The following LRRC37B variants were observed in gnomAD, a reference collection of about 807,000 sequenced individuals.
LRRC37B encodes leucine rich repeat containing 37B, also known as leucine-rich repeat-containing protein 37B.
Under a neutral mutation model 98.3 loss-of-function variants are expected in LRRC37B, and 28 were observed. The observed-to-expected ratio is 0.28, with a 90% confidence interval of 0.21 to 0.39. The LOEUF is 0.39. Among genes scored for constraint, LRRC37B ranks in the 10% least tolerant of loss-of-function variants. LRRC37B has a pLI of 1.00. For synonymous variants in LRRC37B, 364 were observed against 442.7 expected, an observed-to-expected ratio of 0.82 and a Z score of 2.23; for missense variants, 938 against 1,182.7, an observed-to-expected ratio of 0.79 and a Z score of 3.03.
chr17:32,015,883 T>G (rs992654215), intron 1 of LRRC37B, among the ~76,000 whole-genome samples: 1 of 152,190 alleles, frequency 6.6e-6, no homozygotes, highest in Non-Finnish European at 1.5e-5. Flanking sequence ...GTACAAAGTG[T>G]CAGAAGCACA....
At chr17:32,039,601 T>TTATA (rs200331701) in intron 7 of LRRC37B, among the ~76,000 whole-genome samples, 1 of 133,212 alleles carries the variant, frequency 7.5e-6, no homozygotes, top group African/African-American at 2.8e-5. Flanking sequence ...TTTATATATA[T>TTATA]TATATATATA....
At chr17:32,019,932 A>C (rs1214141222), upstream of LRRC37B, among the ~76,000 whole-genome samples, 1 of 152,050 alleles carries the variant, frequency 6.6e-6, no homozygotes, top group Non-Finnish European at 1.5e-5. Flanking sequence ...GCTCACTGCA[A>C]CCTCTGCCTC....
chr17:32,050,207 A>T, intron 11 of LRRC37B, 100 bp downstream of exon 14: 1 of 726,748 alleles, frequency 1.4e-6, no homozygotes, highest in Non-Finnish European at 2.5e-6. Flanking sequence ...CCCACTTGAC[A>T]TTCTTCTTCT....
chr17:32,033,851 T>C (rs1164046117), intron 5 of LRRC37B: 1 of 152,242 alleles, frequency 6.6e-6, no homozygotes, highest in East Asian at 1.9e-4. Context: ...TTATTCATTT[T>C]ATTGACAGAT....
chr17:32,045,188 T>A (rs1158554966), intron 7 of LRRC37B, among the ~76,000 whole-genome samples: 1 of 152,196 alleles, frequency 6.6e-6, no homozygotes, highest in East Asian at 1.9e-4. Context: ...ATTGTTGTTA[T>A]TCTTTTGAAT....
At chr17:32,011,569 C>G (rs1910527142) in intron 1 of LRRC37B, among the ~76,000 whole-genome samples, 1 of 151,984 alleles carries the variant, frequency 6.6e-6, no homozygotes, top group African/African-American at 2.4e-5. Context: ...ACGATCTTGG[C>G]TCACTGCAGC....
At chr17:32,041,026 A>C in intron 7 of LRRC37B, 1 of 781,448 alleles carries the variant, frequency 1.3e-6, no homozygotes, top group Non-Finnish European at 2.4e-6. Flanking sequence ...ACCAGCATGC[A>C]CAACCTCCTG....
intron 2 of LRRC37B, among the ~76,000 whole-genome samples, chr17:32,026,646 C>T (rs1910961793): frequency 6.6e-6 from 1 of 152,116 alleles, no homozygotes; most frequent in Admixed American, 6.6e-5. Context: ...ACGGGCTGGT[C>T]TCGAACTCAT....
In LRRC37B at chr17:32,043,034, C is replaced by T. The variant is rs571707427; in HGVS notation, c.2205-2666C>T. Among the ~76,000 whole-genome samples the T allele has an allele frequency of 5.9e-5, 9 of 152,068 alleles. No homozygotes were observed. The East Asian group carries it at 1.5e-3, about 26-fold the overall frequency. Reference sequence around the variant, plus strand: ...AGAATGCATTGGTTCTTAGGGGCTGCACACTGAAGTCTTTAATGGTGAAGG... The same window carrying T: ...AGAATGCATTGGTTCTTAGGGGCTGTACACTGAAGTCTTTAATGGTGAAGG... On this transcript the variant is annotated intron_variant, in intron 7 of 11. Transcript: ENST00000327564.
intron 5 of LRRC37B, among the ~76,000 whole-genome samples, chr17:32,031,788 G>T (rs1911117788): frequency 6.6e-6 from 1 of 151,602 alleles, no homozygotes; most frequent in African/African-American, 2.4e-5. Context: ...CGGATCACCT[G>T]AGGTCAGGAG....
exon 1 of LRRC37B, chr17:32,021,691 C>G: frequency 6.2e-7 from 1 of 1,614,216 alleles, no homozygotes; most frequent in Non-Finnish European, 8.5e-7. Context: ...GTTTCAAGAC[C>G]AACCAAATTT....
At chr17:32,049,280 C>T (rs764206245) in exon 10 of LRRC37B, 15 of 1,613,470 alleles carry the variant, frequency 9.3e-6, no homozygotes, top group East Asian at 6.7e-5. Flanking sequence ...AGCTTCTCAG[C>T]GAGCAGCAGG....
Position 32,045,818 on chromosome 17 carries a change from C to T in LRRC37B, c.2323C>T (p.Pro775Ser), listed in dbSNP as rs752408763. 1.4e-5 allele frequency: 22 copies of T among 1,598,648 alleles called. No individual in the cohort carries two copies. In the East Asian group the frequency reaches 3.1e-4, roughly 23 times the overall value. The change falls in exon 8 of 12, where the codon CCT becomes TCT. Residue 775 changes from proline (P) to serine (S), a missense_variant and splice_region_variant. By Grantham distance (74) the Pro-to-Ser change is moderately conservative (BLOSUM62 -1). Coordinates refer to ENST00000327564, the Ensembl canonical transcript of LRRC37B. ...ATGTCTGACTAACAGCATACATTGT[C>T]GTGAGTCCAAATTGCCTGGTGATAA...
exon 6 of LRRC37B, chr17:32,034,966 C>T (rs1261751263): frequency 8.1e-6 from 13 of 1,607,684 alleles, no homozygotes; most frequent in Admixed American, 1.7e-5. Context: ...TTTGAACTGC[C>T]GGCATTAAAA....
chr17:32,017,559 A>G (rs374909377), upstream of LRRC37B, among the ~76,000 whole-genome samples: 2 of 152,156 alleles, frequency 1.3e-5, no homozygotes, highest in Admixed American at 6.6e-5. Context: ...AATCTCAGCA[A>G]TTGGGGAGGC....
At chr17:32,033,457 T>C (rs1449909079) in intron 5 of LRRC37B, among the ~76,000 whole-genome samples, 3 of 152,190 alleles carry the variant, frequency 2.0e-5, no homozygotes, top group African/African-American at 4.8e-5. Context: ...TAAACCTTTT[T>C]TCTTCATACA....
chr17:32,014,156 A>G (rs1910599186), intron 1 of LRRC37B, among the ~76,000 whole-genome samples: 1 of 152,206 alleles, frequency 6.6e-6, no homozygotes, highest in South Asian at 2.1e-4. Flanking sequence ...CATTGTAGGA[A>G]ATAAAAAGAA....
chr17:32,022,364 T>G (rs150293228), exon 1 of LRRC37B: 7 of 1,613,766 alleles, frequency 4.3e-6, no homozygotes, highest in Admixed American at 3.3e-5. Flanking sequence ...AGGGTCAGGC[T>G]CAGCATTCAC....
chr17:32,013,242 G>T (rs368556694), intron 1 of LRRC37B, among the ~76,000 whole-genome samples: 141 of 152,190 alleles, frequency 9.3e-4, no homozygotes, highest in Middle Eastern at 3.4e-3. Flanking sequence ...TGGGCTCAAG[G>T]CATCTGCCCA....
Sources: allele counts gnomAD v4.1 joint callset (sites outside exome capture counted in the v4.1 genomes callset), GRCh38; gene constraint gnomAD v4.1.1; transcripts MANE v1.5; gene names NCBI Gene and HGNC (gene_info 2026-07-23, HGNC 2026-07-21).